Variants in LYPLAL1 observed in about 807,000 individuals in gnomAD.
LYPLAL1 encodes the protein lysophospholipase like 1.
LYPLAL1 carries 23 observed loss-of-function variants against 19.7 expected under a neutral mutation model. The observed-to-expected ratio is 1.17, with a 90% CI of 0.84 to 1.65. The LOEUF (loss-of-function observed/expected upper bound fraction) is 1.65. Ranked by LOEUF, LYPLAL1 falls within the 40% of genes most tolerant of loss-of-function variation. The probability of loss-of-function intolerance (pLI) is 0.00; values close to 1 mark genes in which losing one functional copy is unlikely to be tolerated. For synonymous variants in LYPLAL1, 119 were observed against 96.3 expected (o/e 1.24, Z -1.38); for missense variants, 355 against 279.4 (o/e 1.27, Z -1.93).
At chr1:219,200,820 G>C (rs1658037565) in intron 3 of LYPLAL1, among the ~76,000 whole-genome samples, 1 of 152,218 alleles carries the variant, frequency 6.6e-6, no homozygotes, top group African/African-American at 2.4e-5. Context: ...TATATGGCAA[G>C]GTCTGGAAGG....
At chr1:219,204,633 A>G (rs747601069) in intron 3 of LYPLAL1, among the ~76,000 whole-genome samples, 1 of 152,194 alleles carries the variant, frequency 6.6e-6, no homozygotes, top group Non-Finnish European at 1.5e-5. Context: ...GTAATGTTTT[A>G]AGTTCTGAAG....
chr1:219,280,461 A>G, the LYPLAL1 span, among the ~76,000 whole-genome samples: 1 of 152,028 alleles, frequency 6.6e-6, no homozygotes, highest in African/African-American at 2.4e-5. Flanking sequence ...CTATATTTTT[A>G]CCTATTTTTT....
At chr1:219,304,214 G>C in the LYPLAL1 span, among the ~76,000 whole-genome samples, 1 of 152,130 alleles carries the variant, frequency 6.6e-6, no homozygotes, top group Admixed American at 6.5e-5. Flanking sequence ...AACTGCAAAA[G>C]GTCTGAGACC....
chr1:219,258,812 T>C, the LYPLAL1 span, among the ~76,000 whole-genome samples: 2 of 151,980 alleles, frequency 1.3e-5, no homozygotes, highest in Admixed American at 1.3e-4. Flanking sequence ...GCAAAAGGAA[T>C]AGTCAGCAAA....
chr1:219,190,845 G>T (rs1021873178), intron 2 of LYPLAL1, among the ~76,000 whole-genome samples: 1 of 151,534 alleles, frequency 6.6e-6, no homozygotes, highest in Non-Finnish European at 1.5e-5. Context: ...ACAGGCAAAA[G>T]AAATCAATGT....
the LYPLAL1 span, among the ~76,000 whole-genome samples, chr1:219,321,213 G>A: frequency 6.6e-6 from 1 of 152,210 alleles, no homozygotes. Flanking sequence ...AGTTTTTCAT[G>A]TGTCTGTTGG....
chr1:219,227,412 T>C, the LYPLAL1 span, among the ~76,000 whole-genome samples: 3 of 152,226 alleles, frequency 2.0e-5, no homozygotes, highest in South Asian at 6.2e-4. Flanking sequence ...ATGAAATCAA[T>C]TTGGGCTTCT....
At chr1:219,251,156 T>C in the LYPLAL1 span, among the ~76,000 whole-genome samples, 7 of 152,128 alleles carry the variant, frequency 4.6e-5, no homozygotes, top group Admixed American at 2.6e-4. Context: ...TTTGTTTAAG[T>C]TCCTTATAAA....
At chr1:219,257,376 G>GTTTTTTTTTTTTTTTTTT in the LYPLAL1 span, among the ~76,000 whole-genome samples, 1 of 99,674 alleles carries the variant, frequency 1.0e-5, no homozygotes, top group African/African-American at 3.8e-5. Flanking sequence ...TTTTTTTTTG[G>GTTTTTTTTTTTTTTTTTT]TTACTGTTTG....
intron 3 of LYPLAL1, among the ~76,000 whole-genome samples, chr1:219,195,654 G>A (rs1857103): frequency 0.97 from 147,211 of 152,206 alleles, 71,391 homozygotes; most frequent in East Asian, 1. Context: ...ACATTTTAAA[G>A]AATCCTAGTA....
the LYPLAL1 span, among the ~76,000 whole-genome samples, chr1:219,425,310 G>A: frequency 2.6e-5 from 4 of 152,136 alleles, no homozygotes; most frequent in South Asian, 2.1e-4. Flanking sequence ...ATAAACACTC[G>A]GACCATAGCA....
At chr1:219,218,888 C>A in the LYPLAL1 span, among the ~76,000 whole-genome samples, 1 of 152,126 alleles carries the variant, frequency 6.6e-6, no homozygotes, top group Non-Finnish European at 1.5e-5. Context: ...CTGTGCCTCC[C>A]GGGGTCCTGG....
the LYPLAL1 span, among the ~76,000 whole-genome samples, chr1:219,243,299 A>T: frequency 3.3e-5 from 5 of 152,350 alleles, no homozygotes; most frequent in East Asian, 9.6e-4. Flanking sequence ...CCAAAGACAA[A>T]GAGGACAATT....
At chr1:219,388,197 G>A in the LYPLAL1 span, among the ~76,000 whole-genome samples, 3 of 152,132 alleles carry the variant, frequency 2.0e-5, no homozygotes, top group Non-Finnish European at 4.4e-5. Flanking sequence ...AATATTTGTT[G>A]AGTGAAAAAA....
downstream of LYPLAL1, among the ~76,000 whole-genome samples, chr1:219,217,337 T>TA (rs1440010403): frequency 1.3e-5 from 2 of 151,062 alleles, no homozygotes; most frequent in Non-Finnish European, 2.9e-5. Context: ...AATGAAAAGT[T>TA]AAACAGATTC....
At chr1:219,249,856 A>G in the LYPLAL1 span, among the ~76,000 whole-genome samples, 1 of 151,936 alleles carries the variant, frequency 6.6e-6, no homozygotes, top group Non-Finnish European at 1.5e-5. Context: ...GTGTCTGCTC[A>G]TATCTTTTGT....
At chr1:219,177,422 C>T (rs1158985820) in intron 1 of LYPLAL1, among the ~76,000 whole-genome samples, 1 of 152,148 alleles carries the variant, frequency 6.6e-6, no homozygotes, top group African/African-American at 2.4e-5. Context: ...CTTAAGGACC[C>T]TAGGCTGGAT....
At chr1:219,360,476 G>A in the LYPLAL1 span, among the ~76,000 whole-genome samples, 7 of 152,192 alleles carry the variant, frequency 4.6e-5, no homozygotes, top group South Asian at 1.0e-3. Context: ...ATATGAAAGC[G>A]TAAGTTCCTA....
At chr1:219,270,622 T>C in the LYPLAL1 span, among the ~76,000 whole-genome samples, 1 of 152,216 alleles carries the variant, frequency 6.6e-6, no homozygotes, top group African/African-American at 2.4e-5. Context: ...ATGGAGTCGC[T>C]GTGCTGAACA....
Sources: allele counts gnomAD v4.1 joint callset (sites outside exome capture counted in the v4.1 genomes callset), GRCh38; gene constraint gnomAD v4.1.1; transcripts MANE v1.5; gene names NCBI Gene and HGNC (gene_info 2026-07-23, HGNC 2026-07-21).